The following FAM53B variants were observed in gnomAD, a reference collection of about 807,000 sequenced individuals.
FAM53B encodes family with sequence similarity 53 member B.
FAM53B carries 12 observed loss-of-function variants against 32.7 expected under a neutral mutation model. The ratio of observed to expected loss-of-function variants is 0.37; its 90% CI spans 0.24 to 0.59. FAM53B has a LOEUF of 0.59. Among genes scored for constraint, FAM53B ranks in the 20% least tolerant of loss-of-function variants. The probability of loss-of-function intolerance (pLI) is 0.72; values close to 1 mark genes in which losing one functional copy is unlikely to be tolerated. For synonymous variants in FAM53B, 234 were observed against 228.7 expected, an observed-to-expected ratio of 1.02 and a Z score of -0.21; for missense variants, 477 against 577.7, an observed-to-expected ratio of 0.83 and a Z score of 1.79.
chr10:124,704,873 G>A (rs1464982194), intron 2 of FAM53B, among the ~76,000 whole-genome samples: 1 of 152,208 alleles, frequency 6.6e-6, no homozygotes, highest in Non-Finnish European at 1.5e-5. Context: ...GAATCCTTGC[G>A]AGAGAACAGC....
intron 4 of FAM53B, among the ~76,000 whole-genome samples, chr10:124,628,722 T>C (rs1272509696): frequency 6.6e-6 from 1 of 152,148 alleles, no homozygotes; most frequent in Non-Finnish European, 1.5e-5. Context: ...GGCTGGGAGA[T>C]CTAGGATAGG....
intron 4 of FAM53B, among the ~76,000 whole-genome samples, chr10:124,675,456 A>C (rs1949731163): frequency 6.6e-6 from 1 of 152,170 alleles, no homozygotes; most frequent in African/African-American, 2.4e-5. Flanking sequence ...AACAGAAGAA[A>C]GGCTGCAGCA....
intron 4 of FAM53B, among the ~76,000 whole-genome samples, chr10:124,649,303 C>T (rs190023878): frequency 2.2e-3 from 337 of 152,334 alleles, no homozygotes; most frequent in Non-Finnish European, 4.0e-3. Flanking sequence ...TAGATGGCAG[C>T]AAACTAACCC....
intron 2 of FAM53B, among the ~76,000 whole-genome samples, chr10:124,700,305 T>G (rs1949906680): frequency 1.3e-5 from 2 of 152,160 alleles, no homozygotes; most frequent in South Asian, 4.1e-4. Context: ...CACACGGCCT[T>G]TCCAACACTT....
chr10:124,621,552 G>C lies in FAM53B; in HGVS notation c.*1690C>G, dbSNP rs1266285378. ...AGCAACACCATCTCTCAGGGCTGTG[G>C]GGCTGGGGGCTTTCTGCCAGCTCCT... On this transcript the variant is annotated 3_prime_UTR_variant, in exon 5 of 5. Transcript: ENST00000337318. 3 of 152,172 alleles carry C rather than the reference G, an allele frequency of 2.0e-5. No individual in the cohort carries two copies. The highest frequency in any genetic ancestry group is 7.2e-5 in the African/African-American group (3 of 41,430). The allele number at this position is 152,172 out of a possible 1,614,324, so 9.4% of individuals were successfully genotyped here. A position where few individuals can be genotyped will look rare whatever the true frequency, so the allele number is the denominator to read the frequency against.
chr10:124,671,920 G>A (rs994899541), intron 4 of FAM53B, among the ~76,000 whole-genome samples: 32 of 152,202 alleles, frequency 2.1e-4, no homozygotes, highest in Non-Finnish European at 2.9e-5. Context: ...CCAAGTTCCC[G>A]CCAGCATGGG....
chr10:124,627,006 C>A (rs1451396690), intron 4 of FAM53B, among the ~76,000 whole-genome samples: 3 of 152,386 alleles, frequency 2.0e-5, no homozygotes, highest in East Asian at 3.9e-4. Context: ...CAGAATGCCA[C>A]TGAGTCTCCA....
intron 1 of FAM53B, among the ~76,000 whole-genome samples, chr10:124,743,558 G>C (rs1171408337): frequency 6.6e-6 from 1 of 152,212 alleles, no homozygotes; most frequent in African/African-American, 2.4e-5. Flanking sequence ...AGAGTTGTCT[G>C]CAAACGATGC....
chr10:124,660,845 C>T (rs1309220558), intron 4 of FAM53B, among the ~76,000 whole-genome samples: 3 of 152,122 alleles, frequency 2.0e-5, no homozygotes, highest in Non-Finnish European at 4.4e-5. Context: ...ACAACCCTGC[C>T]GTTGTAGCAT....
At chr10:124,743,935 G>C (rs1418943417) in intron 1 of FAM53B, 78 bp downstream of exon 1, 1 of 150,084 alleles carries the variant, frequency 6.7e-6, no homozygotes, top group Non-Finnish European at 1.5e-5. Flanking sequence ...GCCAGCGGCC[G>C]GGACGCACAC....
rs1422584874 is a variant in FAM53B at position 124,619,709 on chromosome 10, G to A, written c.*3533C>T. 6.6e-6 allele frequency: 1 copy of A among 152,664 alleles called. No individual in the cohort carries two copies. Among genetic ancestry groups the A allele is most frequent in the East Asian group, 1.9e-4 (1 of 5,200 alleles). The allele number at this position is 152,664 out of a possible 1,614,324, so 9.5% of individuals were successfully genotyped here. On this transcript the variant is annotated 3_prime_UTR_variant, in exon 5 of 5. Transcript: ENST00000337318. The stretch of plus-strand genomic sequence containing the variant: ...TCTCTTTAAAGAGGCATGACAGAGG[G>A]GTTTGACCAACAGCGTGGACATGGC...
intron 1 of FAM53B, among the ~76,000 whole-genome samples, chr10:124,712,054 A>G (rs756732256): frequency 6.6e-6 from 1 of 152,072 alleles, no homozygotes; most frequent in African/African-American, 2.4e-5. Context: ...GGGAGACCTT[A>G]TATCAAAAGA....
At chr10:124,691,497 A>G (rs1255621119) in intron 3 of FAM53B, among the ~76,000 whole-genome samples, 1 of 152,192 alleles carries the variant, frequency 6.6e-6, no homozygotes, top group Non-Finnish European at 1.5e-5. Flanking sequence ...TTTTTTTAGC[A>G]TATGAATTGT....
intron 4 of FAM53B, among the ~76,000 whole-genome samples, chr10:124,633,067 C>T (rs1296957039): frequency 6.6e-6 from 1 of 152,130 alleles, no homozygotes; most frequent in African/African-American, 2.4e-5. Flanking sequence ...CTCCACCCCA[C>T]AACTGTGCCT....
chr10:124,694,442 G>A (rs1050418939), intron 3 of FAM53B, among the ~76,000 whole-genome samples: 3 of 152,262 alleles, frequency 2.0e-5, no homozygotes, highest in Non-Finnish European at 4.4e-5. Context: ...GGCCCTACAA[G>A]GGCGACTCTC....
At chr10:124,642,888 A>T (rs1447385069) in intron 4 of FAM53B, among the ~76,000 whole-genome samples, 2 of 152,152 alleles carry the variant, frequency 1.3e-5, no homozygotes, top group Non-Finnish European at 2.9e-5. Flanking sequence ...TCCGCATTAC[A>T]TGCACTCCTC....
At chr10:124,674,656 G>A (rs1949726432) in intron 4 of FAM53B, among the ~76,000 whole-genome samples, 1 of 152,224 alleles carries the variant, frequency 6.6e-6, no homozygotes, top group Non-Finnish European at 1.5e-5. Flanking sequence ...TGGGCCCTTG[G>A]AGTTGAACCA....
chr10:124,619,601 TAGA>T lies in FAM53B; in HGVS notation c.*3638_*3640del, dbSNP rs1949291232. On this transcript the variant is annotated 3_prime_UTR_variant, in exon 5 of 5. Transcript: ENST00000337318. Reference sequence around the variant, plus strand: ...AAATCATTTGCCAAAAAGACTATGCTAGAAGGTCAGACTATCCTATCTAGGCTA... The same window carrying T: ...AAATCATTTGCCAAAAAGACTATGCTAGGTCAGACTATCCTATCTAGGCTA... 1 of 152,136 alleles carries T rather than the reference TAGA, an allele frequency of 6.6e-6. No individual in the cohort carries two copies. Among genetic ancestry groups the T allele is most frequent in the Admixed American group, 6.6e-5 (1 of 15,250 alleles). 9.4% of individuals were successfully genotyped at this position (152,136 alleles called of 1,614,324 possible).
intron 4 of FAM53B, among the ~76,000 whole-genome samples, chr10:124,639,572 G>A (rs888538799): frequency 2.6e-5 from 4 of 152,282 alleles, no homozygotes; most frequent in Admixed American, 6.5e-5. Flanking sequence ...CCCACTCAGA[G>A]GCCCAACTCA....
Sources: gnomAD v4.1 joint callset for allele counts (sites outside exome capture counted in the v4.1 genomes callset) on GRCh38, gnomAD v4.1.1 for gene constraint, MANE v1.5 for transcripts, NCBI Gene and HGNC (gene_info 2026-07-23, HGNC 2026-07-21) for gene names.